Variants in CTNNBL1 observed in about 807,000 individuals in gnomAD.
CTNNBL1 encodes beta-catenin-like protein 1.
In CTNNBL1, 31 loss-of-function variants were observed where a neutral mutation model predicts 72.7. That is an observed-to-expected ratio of 0.43 (90% confidence interval 0.32 to 0.58). CTNNBL1 has a LOEUF of 0.58. Ranked by LOEUF, CTNNBL1 falls within the 20% of genes least tolerant of loss-of-function variation. The probability of loss-of-function intolerance (pLI) is 0.08; values close to 1 mark genes in which losing one functional copy is unlikely to be tolerated. For synonymous variants in CTNNBL1, 240 were observed against 267.3 expected (o/e 0.90, Z 1.00); for missense variants, 534 against 725.1 (o/e 0.74, Z 3.03).
chr20:37,773,909 CTTTT>C (rs1176688817), intron 7 of CTNNBL1, among the ~76,000 whole-genome samples: 2 of 104,638 alleles, frequency 1.9e-5, no homozygotes, highest in Non-Finnish European at 1.9e-5. Context: ...TTCTTTCTCT[CTTTT>C]TTTTTTTTTT....
At chr20:37,772,297 C>T (rs1256797827) in intron 7 of CTNNBL1, among the ~76,000 whole-genome samples, 6 of 152,200 alleles carry the variant, frequency 3.9e-5, no homozygotes, top group Non-Finnish European at 7.3e-5. Flanking sequence ...CCCAGACCCA[C>T]TGAGTCTGCA....
intron 2 of CTNNBL1, among the ~76,000 whole-genome samples, chr20:37,735,243 T>C (rs553218614): frequency 6.6e-6 from 1 of 152,100 alleles, no homozygotes; most frequent in East Asian, 1.9e-4. Context: ...CTTCCTCCAT[T>C]CCTCAGATCT....
At chr20:37,862,029 TA>T (rs1326782273) in intron 15 of CTNNBL1, among the ~76,000 whole-genome samples, 1 of 152,106 alleles carries the variant, frequency 6.6e-6, no homozygotes, top group East Asian at 1.9e-4. Flanking sequence ...CAGGGAATGG[TA>T]AATCCATTGC....
intron 7 of CTNNBL1, 81 bp from the exon 8 acceptor site, chr20:37,777,264 C>G (rs747726885): frequency 2.3e-4 from 241 of 1,062,344 alleles, no homozygotes; most frequent in Non-Finnish European, 3.4e-4. Context: ...TAACTCAGAT[C>G]ATAGTACTCG....
In CTNNBL1 at chr20:37,770,920, C is replaced by T. The variant is rs1317215136; in HGVS notation, c.750+2876C>T. Reference sequence around the variant, plus strand: ...GAGGCCAGCAAGAGGGCATGTCCTTCGCAGCAATGCCTTGCTCTTATTTCT... The same window carrying T: ...GAGGCCAGCAAGAGGGCATGTCCTTTGCAGCAATGCCTTGCTCTTATTTCT... On this transcript the variant is annotated intron_variant, in intron 7 of 15. Transcript: ENST00000361383. Among the ~76,000 whole-genome samples, 3 of 152,220 alleles carry T rather than the reference C, an allele frequency of 2.0e-5. No homozygotes were observed. The East Asian group carries it at 5.8e-4, about 29-fold the overall frequency.
intron 1 of CTNNBL1, among the ~76,000 whole-genome samples, chr20:37,725,781 C>T (rs2073079455): frequency 6.6e-6 from 1 of 151,572 alleles, no homozygotes; most frequent in Non-Finnish European, 1.5e-5. Context: ...GTCAGATGTT[C>T]GAGACCAGCC....
chr20:37,751,879 T>G (rs1336153395), intron 4 of CTNNBL1, among the ~76,000 whole-genome samples: 1 of 152,254 alleles, frequency 6.6e-6, no homozygotes, highest in Non-Finnish European at 1.5e-5. Flanking sequence ...TGTCTTGATA[T>G]TTCCAGAATT....
At chr20:37,817,025 C>T (rs1361883166) in intron 11 of CTNNBL1, among the ~76,000 whole-genome samples, 1 of 152,172 alleles carries the variant, frequency 6.6e-6, no homozygotes, top group Non-Finnish European at 1.5e-5. Context: ...CCAGGGTATA[C>T]ATGATGTCAT....
chr20:37,847,620 A>G (rs566395013), intron 13 of CTNNBL1, among the ~76,000 whole-genome samples: 1 of 152,266 alleles, frequency 6.6e-6, no homozygotes, highest in South Asian at 2.1e-4. Context: ...GGCTAAGTGT[A>G]TAGAGCATGC....
chr20:37,768,830 G>GT (rs549083709), intron 7 of CTNNBL1, among the ~76,000 whole-genome samples: 231 of 152,286 alleles, frequency 1.5e-3, no homozygotes, highest in South Asian at 7.5e-3. Context: ...CCAGGATGGA[G>GT]TACAGTGGCA....
intron 11 of CTNNBL1, among the ~76,000 whole-genome samples, chr20:37,811,091 A>T (rs577275777): frequency 6.6e-6 from 1 of 152,298 alleles, no homozygotes; most frequent in Non-Finnish European, 1.5e-5. Flanking sequence ...TTTTAGAGGT[A>T]CTTGCCAGAA....
intron 1 of CTNNBL1, among the ~76,000 whole-genome samples, chr20:37,716,321 G>T (rs766233643): frequency 2.6e-5 from 4 of 152,156 alleles, no homozygotes; most frequent in Non-Finnish European, 5.9e-5. Context: ...ATGTTGTGAT[G>T]GTGTGGATAG....
intron 1 of CTNNBL1, among the ~76,000 whole-genome samples, chr20:37,704,971 A>G (rs2072873460): frequency 1.3e-5 from 2 of 152,244 alleles, no homozygotes; most frequent in Admixed American, 1.3e-4. Flanking sequence ...CATTGTTTAA[A>G]TTGAGGGATT....
At chr20:37,806,706 C>G (rs2071963707) in intron 11 of CTNNBL1, among the ~76,000 whole-genome samples, 1 of 152,118 alleles carries the variant, frequency 6.6e-6, no homozygotes. Context: ...CTGTAAGACA[C>G]AAAGTTTGTG....
chr20:37,749,666 A>C (rs1208832739), intron 4 of CTNNBL1, among the ~76,000 whole-genome samples: 1 of 152,120 alleles, frequency 6.6e-6, no homozygotes, highest in East Asian at 1.9e-4. Context: ...AATTACCTTA[A>C]TTTTAATTAG....
At chr20:37,862,872 T>C (rs981067622) in intron 15 of CTNNBL1, among the ~76,000 whole-genome samples, 20 of 152,218 alleles carry the variant, frequency 1.3e-4, no homozygotes, top group African/African-American at 4.3e-4. Context: ...TCTGCATCCA[T>C]TATTCCCATG....
At chr20:37,858,599 G>A (rs1412253167) in intron 13 of CTNNBL1, among the ~76,000 whole-genome samples, 1 of 74,690 alleles carries the variant, frequency 1.3e-5, no homozygotes, top group African/African-American at 3.6e-5. Context: ...GAGGATTGGG[G>A]TTGGGGGATG....
intron 1 of CTNNBL1, chr20:37,727,303 G>A: frequency 1.0e-6 from 1 of 981,014 alleles, no homozygotes; most frequent in Non-Finnish European, 1.2e-6. Flanking sequence ...TGTTTTCAGG[G>A]GCATGGATGG....
At chr20:37,713,634 T>G (rs1333701037) in intron 1 of CTNNBL1, among the ~76,000 whole-genome samples, 1 of 152,220 alleles carries the variant, frequency 6.6e-6, no homozygotes, top group Non-Finnish European at 1.5e-5. Flanking sequence ...AGGTATTGCC[T>G]CTGCACTAAT....
Sources: allele counts gnomAD v4.1 joint callset (sites outside exome capture counted in the v4.1 genomes callset), GRCh38; gene constraint gnomAD v4.1.1; transcripts MANE v1.5; gene names NCBI Gene and HGNC (gene_info 2026-07-23, HGNC 2026-07-21).